DMD: variants seen among roughly 807,000 people sequenced by gnomAD.
DMD encodes mutant dystrophin.
A neutral mutation model predicts 330.1 loss-of-function variants in DMD; 63 were observed. The observed-to-expected ratio is 0.19, with a 90% CI of 0.16 to 0.24. The LOEUF is 0.24. Among genes scored for constraint, DMD ranks in the 10% least tolerant of loss-of-function variants. The pLI is 1.00. For synonymous variants in DMD, 1,223 were observed against 959.8 expected, an observed-to-expected ratio of 1.27 and a Z score of -5.07; for missense variants, 3,344 against 2,684.1, an observed-to-expected ratio of 1.25 and a Z score of -5.43.
At chrX:32,329,307 G>T (rs951660121) in intron 41 of DMD, among the ~76,000 whole-genome samples, 12 of 112,306 alleles carry the variant, frequency 1.1e-4, no homozygotes, top group African/African-American at 3.6e-4. Flanking sequence ...GTTGTCGAAG[G>T]CAGGCCACCT....
chrX:32,317,132 T>A (rs1226580474), intron 41 of DMD, among the ~76,000 whole-genome samples: 7 of 111,355 alleles, frequency 6.3e-5, no homozygotes, highest in Middle Eastern at 4.7e-3. Flanking sequence ...CCACCTTATA[T>A]CATTATAGAT....
intron 52 of DMD, among the ~76,000 whole-genome samples, chrX:31,693,726 T>C (rs2083267675): frequency 9.0e-6 from 1 of 111,125 alleles, no homozygotes; most frequent in South Asian, 3.7e-4. Flanking sequence ...ACCAAGAAAG[T>C]GAAAGATCTG....
chrX:32,024,259 C>T (rs1018189186), intron 44 of DMD, among the ~76,000 whole-genome samples: 28 of 110,500 alleles, frequency 2.5e-4, no homozygotes, highest in Non-Finnish European at 4.0e-4. Context: ...CCAAGGCGGG[C>T]GGACTGCCAG....
Position 32,012,651 on chromosome X carries a change from C to A in DMD, c.6439-44137G>T, listed in dbSNP as rs147870252. Among the ~76,000 whole-genome samples the A allele has an allele frequency of 8.9e-3, 990 of 111,783 alleles. 12 individuals are homozygous for A. The highest frequency in any genetic ancestry group is 0.03 in the African/African-American group (913 of 30,683). On this transcript the variant is annotated intron_variant, in intron 44 of 78. Coordinates refer to ENST00000357033, the MANE Select transcript of DMD (RefSeq NM_004006.3). The stretch of plus-strand genomic sequence containing the variant: ...CTTAATGCCAAGCTCTGGTTTCAAT[C>A]AACCATGTAGTGGAGGCAGTTACGA...
At chrX:33,263,704 C>T (rs1040520903) in intron 1 of DMD, among the ~76,000 whole-genome samples, 10 of 108,848 alleles carry the variant, frequency 9.2e-5, no homozygotes, top group Non-Finnish European at 1.3e-4. Flanking sequence ...GATAGAATGT[C>T]ATCAGTCTCT....
At chrX:32,649,488 G>A (rs778487687) in intron 9 of DMD, among the ~76,000 whole-genome samples, 5 of 105,617 alleles carry the variant, frequency 4.7e-5, no homozygotes, top group South Asian at 8.6e-4. Context: ...CCCGGGAGGC[G>A]GAGCTTGCAG....
intron 1 of DMD, among the ~76,000 whole-genome samples, chrX:33,248,741 C>A (rs1241356352): frequency 8.9e-6 from 1 of 111,743 alleles, no homozygotes; most frequent in African/African-American, 3.2e-5. Flanking sequence ...TTAGTAATTC[C>A]TCAGTAAATG....
intron 52 of DMD, among the ~76,000 whole-genome samples, chrX:31,721,685 ACT>A (rs767300805): frequency 4.6e-3 from 181 of 39,553 alleles, no homozygotes; most frequent in East Asian, 7.6e-3. Flanking sequence ...TCTCTCTCTC[ACT>A]CTCTCTCTCT....
At chrX:32,736,470 T>G (rs1400301121) in intron 7 of DMD, among the ~76,000 whole-genome samples, 6 of 110,479 alleles carry the variant, frequency 5.4e-5, no homozygotes, top group Non-Finnish European at 1.1e-4. Context: ...TGCACACGTA[T>G]GTTTATTGCG....
In DMD at chrX:32,826,312, A is replaced by G. The variant is rs181953307; in HGVS notation, c.265-2925T>C. Among the ~76,000 whole-genome samples, 22 of 112,122 alleles carry G rather than the reference A, an allele frequency of 2.0e-4. 1 individual carries two copies. The East Asian group carries it at 5.9e-3, about 30-fold the overall frequency. On this transcript the variant is annotated intron_variant, in intron 4 of 78. Coordinates refer to ENST00000357033, the MANE Select transcript of DMD (RefSeq NM_004006.3). ...AAAATTACAAATAAAACTACCATAT[A>G]ATTCAGGAATTCTACTGCTGGGTAT...
chrX:32,693,239 G>A (rs780526092), intron 9 of DMD, among the ~76,000 whole-genome samples: 10 of 111,875 alleles, frequency 8.9e-5, no homozygotes, highest in Non-Finnish European at 1.7e-4. Flanking sequence ...AGGCAGCCCT[G>A]CTGATATGTT....
chrX:32,998,275 G>A (rs2093178197), intron 2 of DMD, among the ~76,000 whole-genome samples: 1 of 104,857 alleles, frequency 9.5e-6, no homozygotes, highest in Non-Finnish European at 1.9e-5. Context: ...AGGCTGAGGT[G>A]GAAGGATGGC....
At chrX:32,035,479 A>T (rs1036020555) in intron 44 of DMD, 1 of 250,538 alleles carries the variant, frequency 4.0e-6, no homozygotes, top group East Asian at 1.3e-4. Context: ...CTATATGTGG[A>T]TGTGTGATAT....
chrX:32,128,630 T>C (rs760610634), intron 44 of DMD, among the ~76,000 whole-genome samples: 1 of 112,128 alleles, frequency 8.9e-6, no homozygotes, highest in South Asian at 3.7e-4. Context: ...TGCTTGAACA[T>C]TAGTTCTGGA....
chrX:32,849,917 G>A, intron 2 of DMD, 97 bp from the exon 3 acceptor site: 1 of 663,657 alleles, frequency 1.5e-6, no homozygotes, highest in Non-Finnish European at 2.4e-6. Flanking sequence ...TATATTTAAG[G>A]ATAATTAGTG....
At chrX:33,025,574 A>C (rs140053706) in intron 1 of DMD, among the ~76,000 whole-genome samples, 3 of 111,949 alleles carry the variant, frequency 2.7e-5, no homozygotes, top group African/African-American at 9.7e-5. Context: ...TTTTTTTGAC[A>C]CAAGGTCTCG....
chrX:33,167,302 T>C (rs997970409), intron 1 of DMD, among the ~76,000 whole-genome samples: 6 of 111,506 alleles, frequency 5.4e-5, no homozygotes, highest in African/African-American at 1.9e-4. Context: ...TCTTTCTCCT[T>C]GCACAACTTC....
intron 7 of DMD, among the ~76,000 whole-genome samples, chrX:32,741,206 T>A (rs778132700): frequency 9.0e-6 from 1 of 111,455 alleles, no homozygotes; most frequent in African/African-American, 3.3e-5. Context: ...TGCCACTAAA[T>A]GTACTTCCAT....
intron 51 of DMD, among the ~76,000 whole-genome samples, chrX:31,760,449 T>G (rs2089482534): frequency 8.9e-6 from 1 of 112,077 alleles, no homozygotes; most frequent in African/African-American, 3.2e-5. Context: ...AATATTTTTC[T>G]GTAACTTTTC....
Sources: gnomAD v4.1 joint callset for allele counts (sites outside exome capture counted in the v4.1 genomes callset) on GRCh38, gnomAD v4.1.1 for gene constraint, MANE v1.5 for transcripts, NCBI Gene and HGNC (gene_info 2026-07-23, HGNC 2026-07-21) for gene names.